KAT6B: variants seen among roughly 807,000 people sequenced by gnomAD.
KAT6B encodes lysine acetyltransferase 6B.
KAT6B carries 10 observed loss-of-function variants against 187.5 expected under a neutral mutation model. That is an observed-to-expected ratio of 0.05 (90% confidence interval 0.03 to 0.09). KAT6B has a LOEUF of 0.09. KAT6B is among the 10% of genes least tolerant of loss of function. The pLI, the probability that KAT6B is intolerant of heterozygous loss-of-function variation, is 1.00. For synonymous variants in KAT6B, 861 were observed against 926.8 expected, an observed-to-expected ratio of 0.93 and a Z score of 1.29; for missense variants, 1,952 against 2,558.9, an observed-to-expected ratio of 0.76 and a Z score of 5.12.
intron 13 of KAT6B, chr10:75,003,081 GT>G (rs2133985107): frequency 6.6e-6 from 1 of 152,322 alleles, no homozygotes; most frequent in Admixed American, 6.5e-5. Flanking sequence ...GGTATGCCCT[GT>G]CTTCTTTCGA....
chr10:74,845,952 C>T (rs1347157684), intron 3 of KAT6B, among the ~76,000 whole-genome samples: 1 of 151,552 alleles, frequency 6.6e-6, no homozygotes, highest in Non-Finnish European at 1.5e-5. Context: ...CAACCTCCAC[C>T]TCCCGGGTTC....
intron 3 of KAT6B, among the ~76,000 whole-genome samples, chr10:74,898,997 C>CA (rs776291985): frequency 0.094 from 10,201 of 108,030 alleles, 555 homozygotes; most frequent in Non-Finnish European, 0.12. Flanking sequence ...ACTAAAAATA[C>CA]AAAAAAAAAA....
chr10:74,975,254 A>G (rs1316298646), intron 7 of KAT6B, 145 bp from the exon 8 acceptor site: 1 of 697,656 alleles, frequency 1.4e-6, no homozygotes, highest in Admixed American at 2.3e-5. Context: ...TCCAACAGAG[A>G]AACATCTAGG....
intron 4 of KAT6B, among the ~76,000 whole-genome samples, chr10:74,962,257 A>G (rs1379438561): frequency 6.6e-6 from 1 of 152,238 alleles, no homozygotes; most frequent in Non-Finnish European, 1.5e-5. Flanking sequence ...AAAATAAAAT[A>G]TAGTTCATTT....
chr10:74,827,167 G>T (rs959584640), intron 1 of KAT6B: 1 of 152,784 alleles, frequency 6.5e-6, no homozygotes, highest in African/African-American at 2.4e-5. Context: ...TGAGGGTTGG[G>T]TGGGAGGAGA....
At chr10:75,022,327 T>C (rs1417938533) in intron 16 of KAT6B, 96 bp downstream of exon 16, 1 of 1,376,790 alleles carries the variant, frequency 7.3e-7, no homozygotes, top group East Asian at 2.3e-5. Flanking sequence ...TCACTCTCTG[T>C]TCTTTAGTCG....
intron 3 of KAT6B, among the ~76,000 whole-genome samples, chr10:74,957,118 A>G (rs1231820035): frequency 6.6e-6 from 1 of 152,208 alleles, no homozygotes; most frequent in East Asian, 1.9e-4. Context: ...CACAGTTTAT[A>G]TGTAGTCTGA....
chr10:74,982,713 T>G (rs1236941133), intron 11 of KAT6B: 1 of 152,606 alleles, frequency 6.6e-6, no homozygotes, highest in Non-Finnish European at 1.5e-5. Flanking sequence ...CTTGCACACT[T>G]CTGTTGTCTG....
intron 3 of KAT6B, among the ~76,000 whole-genome samples, chr10:74,897,488 C>T (rs927949629): frequency 4.6e-5 from 7 of 152,230 alleles, no homozygotes; most frequent in Admixed American, 2.0e-4. Flanking sequence ...CCTTATCCCT[C>T]AGCCCCATTA....
At chr10:74,992,329 C>G (rs1843168983) in intron 13 of KAT6B, among the ~76,000 whole-genome samples, 1 of 152,114 alleles carries the variant, frequency 6.6e-6, no homozygotes, top group Non-Finnish European at 1.5e-5. Context: ...TACAGTGGGG[C>G]TGTGGGCTGA....
intron 12 of KAT6B, among the ~76,000 whole-genome samples, chr10:74,987,047 GGCA>G (rs1158732609): frequency 6.6e-6 from 1 of 152,164 alleles, no homozygotes; most frequent in Admixed American, 6.5e-5. Flanking sequence ...TCTATAGCAT[GGCA>G]GCAGCTGCTG....
At chr10:74,979,566 A>T (rs887625185) in intron 10 of KAT6B, among the ~76,000 whole-genome samples, 5 of 151,560 alleles carry the variant, frequency 3.3e-5, no homozygotes, top group Admixed American at 2.6e-4. Context: ...AAATTTTGCC[A>T]TTTAGCTTCT....
intron 1 of KAT6B, among the ~76,000 whole-genome samples, chr10:74,836,137 C>CA (rs1227633766): frequency 3.3e-5 from 5 of 152,198 alleles, no homozygotes; most frequent in African/African-American, 1.2e-4. Context: ...ATTGTAGTAG[C>CA]ATGTATCGAA....
chr10:74,845,925 G>A (rs1343135841), intron 3 of KAT6B, among the ~76,000 whole-genome samples: 1 of 150,786 alleles, frequency 6.6e-6, no homozygotes, highest in Non-Finnish European at 1.5e-5. Flanking sequence ...GTGCAGTGGT[G>A]TCACCTCGGC....
chr10:74,977,895 ACAAT>A (rs760554553), intron 9 of KAT6B, among the ~76,000 whole-genome samples: 32 of 152,358 alleles, frequency 2.1e-4, no homozygotes, highest in African/African-American at 7.0e-4. Context: ...ATTTTGTTTC[ACAAT>A]CAGTTGTAGT....
chr10:75,020,965 C>T (rs965915237), intron 14 of KAT6B, 152 bp downstream of exon 14: 1 of 996,706 alleles, frequency 1.0e-6, no homozygotes, highest in African/African-American at 1.6e-5. Flanking sequence ...TGAAATGACA[C>T]TTTTTTACTG....
Position 74,940,485 on chromosome 10 carries a change from C to A in KAT6B, c.622-19485C>A, listed in dbSNP as rs567778078. Among the ~76,000 whole-genome samples, 7 of 151,122 alleles carry A rather than the reference C, an allele frequency of 4.6e-5. No individual in the cohort carries two copies. In the South Asian group the frequency reaches 1.5e-3, roughly 32 times the overall value. ...GAGATGGGGTTTCACCATGTTGGTCCGCCTGGTCTTGAACTCTTGACCTCG... is the reference window on the plus strand; with the variant it reads ...GAGATGGGGTTTCACCATGTTGGTCAGCCTGGTCTTGAACTCTTGACCTCG... On this transcript the variant is annotated intron_variant, in intron 3 of 17. Transcript: ENST00000287239.
rs772535828 is a variant in KAT6B, at chr10:75,021,914, GAGA to G, written c.3058_3060del (p.Lys1020del). 2 of 1,614,204 alleles carry G rather than the reference GAGA, an allele frequency of 1.2e-6. No homozygotes were observed. Among genetic ancestry groups the G allele is most frequent in the Non-Finnish European group, 1.7e-6 (2 of 1,180,042 alleles). On this transcript the variant is annotated inframe_deletion, in exon 16 of 18. Coordinates refer to ENST00000287239, the MANE Select transcript of KAT6B (RefSeq NM_012330.4). ...GCTAATGGAACAAGCTAGCTGCTGG[GAGA>G]AGGAGGAACAAGAAATCCTGTCAAC...
intron 9 of KAT6B, among the ~76,000 whole-genome samples, 191 bp downstream of exon 9, chr10:74,977,628 A>T (rs1842249498): frequency 6.6e-6 from 1 of 152,230 alleles, no homozygotes; most frequent in South Asian, 2.1e-4. Context: ...GCCACTCTTA[A>T]AAGTAGGTAT....
Sources: allele counts gnomAD v4.1 joint callset (sites outside exome capture counted in the v4.1 genomes callset), GRCh38; gene constraint gnomAD v4.1.1; transcripts MANE v1.5; gene names NCBI Gene and HGNC (gene_info 2026-07-23, HGNC 2026-07-21).